Variants in NOL11 observed in about 807,000 individuals in gnomAD.
The protein encoded by NOL11 is nucleolar protein 11.
A neutral mutation model predicts 93.0 loss-of-function variants in NOL11; 42 were observed. That is an observed-to-expected ratio of 0.45 (90% CI 0.35 to 0.58). The LOEUF is 0.58. NOL11 is among the 20% of genes least tolerant of loss of function. The probability of loss-of-function intolerance (pLI) is 0.00; values close to 1 mark genes in which losing one functional copy is unlikely to be tolerated. For synonymous variants in NOL11, 296 were observed against 293.7 expected (o/e 1.01, Z -0.08); for missense variants, 775 against 841.8 (o/e 0.92, Z 0.98).
intron 7 of NOL11, among the ~76,000 whole-genome samples, chr17:67,729,984 C>G (rs571339080): frequency 3.9e-5 from 6 of 152,310 alleles, no homozygotes; most frequent in African/African-American, 1.4e-4. Context: ...ACGAGCTCCT[C>G]CTGCCTCAGC....
chr17:67,737,888 A>T lies in NOL11; in HGVS notation c.1445A>T (p.Asp482Val). Residue 482 changes from aspartate (D) to valine (V), a missense_variant, in exon 13 of 18, where the codon GAT becomes GTT. By Grantham distance (152) the Asp-to-Val change is radical. Transcript: ENST00000253247. The stretch of plus-strand genomic sequence containing the variant: ...ATGGAGATTGCCTTAAAAAAGAAAG[A>T]TGTACAGTTGTTACAACTCTGTCTA... ...DLMEIALKKK[D>V]VQLLQLCLQQ... is the part of the protein sequence containing the mutation. 3 of 1,613,538 alleles carry T rather than the reference A, an allele frequency of 1.9e-6. No individual in the cohort carries two copies. The highest frequency in any genetic ancestry group is 1.7e-6 in the Non-Finnish European group (2 of 1,179,810).
At chr17:67,722,276 A>G (rs1434202145) in intron 4 of NOL11, among the ~76,000 whole-genome samples, 1 of 152,168 alleles carries the variant, frequency 6.6e-6, no homozygotes, top group African/African-American at 2.4e-5. Flanking sequence ...CCCAAAAGTA[A>G]CTCTGAAGAA....
chr17:67,731,178 CAT>C (rs748778345), intron 7 of NOL11, among the ~76,000 whole-genome samples: 46 of 152,048 alleles, frequency 3.0e-4, no homozygotes, highest in Admixed American at 5.9e-4. Flanking sequence ...CCTTATCAGA[CAT>C]ATGATTTCCA....
rs766413171 is a variant in NOL11 at position 67,743,458 on chromosome 17, C to T, written c.1936-21C>T. 2.0e-5 allele frequency: 22 copies of T among 1,094,214 alleles called. No homozygotes were observed. In the Admixed American group the frequency reaches 4.4e-4, roughly 22 times the overall value. The allele number at this position is 1,094,214 out of a possible 1,614,324, so 67.8% of individuals were successfully genotyped here. A position where few individuals can be genotyped will look rare whatever the true frequency, so the allele number is the denominator to read the frequency against. On this transcript the variant is annotated intron_variant, in intron 16 of 17. Transcript: ENST00000253247. ...GAAGTTAAATTTAAAATCTTAACTT[C>T]CTTTTCCTATTCATCTTCAGATTAT...
rs1329660611 is a variant in NOL11, at chr17:67,744,438, T to C, written c.*579T>C. On this transcript the variant is annotated 3_prime_UTR_variant, in exon 18 of 18. Coordinates refer to ENST00000253247, the MANE Select transcript of NOL11 (RefSeq NM_015462.5). ...ACAGAAAGAATCCTGATGGCTGAAT[T>C]TACCTTGCAGTAGTGAAAAGCTGCG... 1 of 152,240 alleles carries C rather than the reference T, an allele frequency of 6.6e-6. No homozygotes were observed. Among genetic ancestry groups the C allele is most frequent in the Non-Finnish European group, 1.5e-5 (1 of 68,056 alleles). The allele number at this position is 152,240 out of a possible 1,614,324, so 9.4% of individuals were successfully genotyped here.
rs201735870 is a variant in NOL11 at position 67,743,447 on chromosome 17, A to T, written c.1936-32A>T. ...TGAATTAACCTGAAGTTAAATTTAA[A>T]ATCTTAACTTCCTTTTCCTATTCAT... On this transcript the variant is annotated intron_variant, in intron 16 of 17. Coordinates refer to ENST00000253247, the MANE Select transcript of NOL11 (RefSeq NM_015462.5). 3.0e-6 allele frequency: 3 copies of T among 992,780 alleles called. No individual in the cohort carries two copies. The Admixed American group carries it at 6.6e-5, about 22-fold the overall frequency. 61.5% of individuals were successfully genotyped at this position (992,780 alleles called of 1,614,324 possible).
chr17:67,738,091 A>T, intron 13 of NOL11, 31 bp from the exon 14 acceptor site: 1 of 1,577,548 alleles, frequency 6.3e-7, no homozygotes, highest in Non-Finnish European at 8.7e-7. Flanking sequence ...GGTGATAAGG[A>T]TTAACCTCTT....
chr17:67,720,893 C>A (rs1567798067), intron 3 of NOL11, among the ~76,000 whole-genome samples: 1 of 152,208 alleles, frequency 6.6e-6, no homozygotes, highest in Non-Finnish European at 1.5e-5. Context: ...TGGCTCCATT[C>A]TTTTCATTTA....
intron 5 of NOL11, 25 bp from the exon 6 acceptor site, chr17:67,724,024 A>G: frequency 6.6e-7 from 1 of 1,506,360 alleles, no homozygotes; most frequent in Non-Finnish European, 8.9e-7. Context: ...GGGAATATTT[A>G]TAAAATAACC....
chr17:67,736,052 A>G (rs1474375838), intron 9 of NOL11, 29 bp downstream of exon 9: 2 of 1,580,346 alleles, frequency 1.3e-6, no homozygotes, highest in South Asian at 2.3e-5. Context: ...TTGTTTTATT[A>G]ATACAAACCG....
chr17:67,732,067 C>T (rs918725412), intron 7 of NOL11, among the ~76,000 whole-genome samples: 22 of 152,154 alleles, frequency 1.4e-4, no homozygotes, highest in African/African-American at 5.3e-4. Context: ...TGTGGTATTG[C>T]CATCTTAATA....
In NOL11 at chr17:67,737,840, G is replaced by A; in HGVS notation, c.1404-7G>A. 6.2e-7 allele frequency: 1 copy of A among 1,603,956 alleles called. No homozygotes were observed. The highest frequency in any genetic ancestry group is 1.1e-5 in the South Asian group (1 of 89,606). ...ATGTAATAGTGATTCAGATTTTTTTGTCTTAGTTTGTGCCCCGACTTAATG... is the reference window on the plus strand; with the variant it reads ...ATGTAATAGTGATTCAGATTTTTTTATCTTAGTTTGTGCCCCGACTTAATG... On this transcript the variant is annotated splice_polypyrimidine_tract_variant and splice_region_variant and intron_variant, in intron 12 of 17. Coordinates refer to ENST00000253247, the MANE Select transcript of NOL11 (RefSeq NM_015462.5).
chr17:67,725,910 T>C (rs2055087721), intron 6 of NOL11, among the ~76,000 whole-genome samples: 1 of 152,168 alleles, frequency 6.6e-6, no homozygotes, highest in Admixed American at 6.5e-5. Context: ...CGAGACCCTA[T>C]GTCTAAAAGA....
intron 7 of NOL11, 34 bp downstream of exon 7, chr17:67,726,682 G>A (rs1379416576): frequency 8.8e-6 from 13 of 1,479,940 alleles, no homozygotes; most frequent in Non-Finnish European, 5.5e-6. Context: ...GAAGGCCTTT[G>A]TATGTTTCCT....
At position 67,722,657 on chromosome 17, in the gene NOL11, C is replaced by T; in HGVS notation, c.519+20C>T. On this transcript the variant is annotated intron_variant, in intron 5 of 17. Coordinates refer to ENST00000253247, the MANE Select transcript of NOL11 (RefSeq NM_015462.5). ...GAAAAAGTAAGTGATATCTTCAATT[C>T]CTGGCCCATTTTGTGAAATTTCTTT... 6.5e-7 allele frequency: 1 copy of T among 1,544,644 alleles called. No individual in the cohort carries two copies. Among genetic ancestry groups the T allele is most frequent in the Non-Finnish European group, 8.6e-7 (1 of 1,158,964 alleles).
chr17:67,721,470 G>A lies in NOL11; in HGVS notation c.405G>A (p.Leu135=), dbSNP rs762757088. 6.2e-7 allele frequency: 1 copy of A among 1,614,046 alleles called. No individual in the cohort carries two copies. Among genetic ancestry groups the A allele is most frequent in the Non-Finnish European group, 8.5e-7 (1 of 1,179,926 alleles). ...KEGAVRGLEA[L]LADPQQKIET... ...GTGCTGTTCGTGGTTTAGAGGCCTT[G>A]CTTGCAGACCCCCAGCAGAAAATTG... Residue 135 remains leucine, a synonymous_variant, in exon 4 of 18, where the codon TTG becomes TTA. Coordinates refer to ENST00000253247, the MANE Select transcript of NOL11 (RefSeq NM_015462.5).
In NOL11 at chr17:67,743,550, G is replaced by A; in HGVS notation, c.2007G>A (p.Arg669=). The change falls in exon 17 of 18, where the codon AGG becomes AGA. Residue 669 remains arginine, a synonymous_variant. Coordinates refer to ENST00000253247, the MANE Select transcript of NOL11 (RefSeq NM_015462.5). Reference sequence around the variant, plus strand: ...TTGTAATGATGCCAGAAGCAAAGAGGCTACTGATAAATCTTTACAAGCTTG... The same window carrying A: ...TTGTAATGATGCCAGAAGCAAAGAGACTACTGATAAATCTTTACAAGCTTG... ...TVVVMMPEAK[R]LLINLYKLVK... 6.2e-7 allele frequency: 1 copy of A among 1,606,734 alleles called. No homozygotes were observed. The highest frequency in any genetic ancestry group is 8.5e-7 in the Non-Finnish European group (1 of 1,175,004).
Position 67,735,953 on chromosome 17 carries a change from G to A in NOL11, c.984G>A (p.Val328=). Reference sequence around the variant, plus strand: ...TGCTACATGGAAAATCTCTAACTGTGATTCCATACAAGTGTGAAGTGTCAT... The same window carrying A: ...TGCTACATGGAAAATCTCTAACTGTAATTCCATACAAGTGTGAAGTGTCAT... ...LFMLHGKSLT[V]IPYKCEVSSL... The change falls in exon 9 of 18, where the codon GTG becomes GTA. Residue 328 remains valine, a synonymous_variant. Transcript: ENST00000253247. The A allele has an allele frequency of 6.2e-7, 1 of 1,612,118 alleles. No homozygotes were observed. The highest frequency in any genetic ancestry group is 8.5e-7 in the Non-Finnish European group (1 of 1,178,550).
At chr17:67,729,704 G>T (rs1040310344) in intron 7 of NOL11, among the ~76,000 whole-genome samples, 2 of 151,296 alleles carry the variant, frequency 1.3e-5, no homozygotes, top group Admixed American at 1.3e-4. Context: ...TCAGCCTCCC[G>T]AGTAGCTGGG....
Sources: gnomAD v4.1 joint callset for allele counts (sites outside exome capture counted in the v4.1 genomes callset) on GRCh38, gnomAD v4.1.1 for gene constraint, MANE v1.5 for transcripts, NCBI Gene and HGNC (gene_info 2026-07-23, HGNC 2026-07-21) for gene names.